HS6ST3: variants seen among roughly 807,000 people sequenced by gnomAD.
HS6ST3 encodes the protein heparan-sulfate 6-O-sulfotransferase 3.
Under a neutral mutation model 36.7 loss-of-function variants are expected in HS6ST3, and 12 were observed. That is an observed-to-expected ratio of 0.33 (90% confidence interval 0.21 to 0.53). The LOEUF (loss-of-function observed/expected upper bound fraction) is 0.53. HS6ST3 is among the 20% of genes least tolerant of loss of function. The probability of loss-of-function intolerance (pLI) is 0.95; values close to 1 mark genes in which losing one functional copy is unlikely to be tolerated. For synonymous variants in HS6ST3, 240 were observed against 257.5 expected (o/e 0.93, Z 0.65); for missense variants, 584 against 640.9 (o/e 0.91, Z 0.96).
intron 1 of HS6ST3, among the ~76,000 whole-genome samples, chr13:96,371,735 T>A (rs1176435839): frequency 6.6e-6 from 1 of 152,220 alleles, no homozygotes; most frequent in Non-Finnish European, 1.5e-5. Flanking sequence ...GTGTCTGACT[T>A]ATTTTTAGCA....
intron 1 of HS6ST3, among the ~76,000 whole-genome samples, chr13:96,144,290 TAA>T (rs2054045790): frequency 6.6e-6 from 1 of 152,220 alleles, no homozygotes; most frequent in East Asian, 1.9e-4. Context: ...TTGATTATAT[TAA>T]GATTACTAAG....
intron 1 of HS6ST3, among the ~76,000 whole-genome samples, chr13:96,471,205 A>G (rs908660053): frequency 1.3e-5 from 2 of 152,232 alleles, no homozygotes; most frequent in African/African-American, 2.4e-5. Context: ...AGGAAGAGAC[A>G]GCTGTAGGAA....
intron 1 of HS6ST3, among the ~76,000 whole-genome samples, chr13:96,284,978 G>T (rs1291652479): frequency 2.1e-5 from 2 of 96,738 alleles, no homozygotes; most frequent in African/African-American, 3.7e-5. Context: ...TTTCTTTCTT[G>T]AAAACTGAGA....
intron 1 of HS6ST3, among the ~76,000 whole-genome samples, chr13:96,248,300 G>A (rs34463956): frequency 0.069 from 10,538 of 152,108 alleles, 479 homozygotes; most frequent in Admixed American, 0.13. Flanking sequence ...TAAAGTGTTT[G>A]CATAGCTTCT....
intron 1 of HS6ST3, among the ~76,000 whole-genome samples, chr13:96,486,793 G>GGGA (rs1207657908): frequency 1.3e-5 from 2 of 152,046 alleles, no homozygotes; most frequent in East Asian, 3.9e-4. Context: ...TCAGTTACAG[G>GGGA]GGAGCCTGAA....
rs951201716 is a variant in HS6ST3 at position 96,714,305 on chromosome 13, C to CA, written c.708-118176dup. On this transcript the variant is annotated intron_variant, in intron 1 of 1. Coordinates refer to ENST00000376705, the MANE Select transcript of HS6ST3 (RefSeq NM_153456.4). ...ACGGATAACTTCTACATATTTATTACAAAAAAAAACACAATTGAAAAATGG... is the reference window on the plus strand; with the variant it reads ...ACGGATAACTTCTACATATTTATTACAAAAAAAAAACACAATTGAAAAATGG... Among the ~76,000 whole-genome samples the CA allele has an allele frequency of 2.8e-4, 41 of 148,490 alleles. 2 individuals are homozygous for CA. The highest frequency in any genetic ancestry group is 1.8e-3 in the East Asian group (9 of 5,074).
chr13:96,415,717 A>C (rs2055529655), intron 1 of HS6ST3, among the ~76,000 whole-genome samples: 2 of 152,214 alleles, frequency 1.3e-5, no homozygotes, highest in Non-Finnish European at 2.9e-5. Flanking sequence ...CATTTATGCC[A>C]CTTCCTTCTG....
chr13:96,821,616 C>T (rs1454365052), intron 1 of HS6ST3, among the ~76,000 whole-genome samples: 2 of 152,218 alleles, frequency 1.3e-5, no homozygotes, highest in African/African-American at 2.4e-5. Context: ...ATCAGTTTTT[C>T]ACTGCACATG....
chr13:96,122,762 G>A (rs1480509605), intron 1 of HS6ST3, among the ~76,000 whole-genome samples: 3 of 152,130 alleles, frequency 2.0e-5, no homozygotes, highest in Non-Finnish European at 4.4e-5. Context: ...TGGGGCTGTG[G>A]TTATGAGGAT....
intron 1 of HS6ST3, among the ~76,000 whole-genome samples, chr13:96,139,174 C>T (rs1025718175): frequency 2.0e-4 from 31 of 151,892 alleles, no homozygotes; most frequent in Non-Finnish European, 4.0e-4. Flanking sequence ...AAAGAAGCAC[C>T]GTTTTTTTTC....
intron 1 of HS6ST3, among the ~76,000 whole-genome samples, chr13:96,633,242 A>G (rs539540030): frequency 6.6e-6 from 1 of 152,296 alleles, no homozygotes; most frequent in African/African-American, 2.4e-5. Flanking sequence ...ATAAAACACA[A>G]TGGGGAAAGC....
At chr13:96,577,355 T>C (rs2056325689) in intron 1 of HS6ST3, among the ~76,000 whole-genome samples, 1 of 152,220 alleles carries the variant, frequency 6.6e-6, no homozygotes, top group Non-Finnish European at 1.5e-5. Flanking sequence ...TCATCCTTTA[T>C]ATGGCTGCAT....
At chr13:96,229,375 T>G (rs2054496694) in intron 1 of HS6ST3, among the ~76,000 whole-genome samples, 1 of 152,186 alleles carries the variant, frequency 6.6e-6, no homozygotes, top group Admixed American at 6.5e-5. Flanking sequence ...TCTGGGTGGC[T>G]TAAAAAACAG....
intron 1 of HS6ST3, among the ~76,000 whole-genome samples, chr13:96,192,119 T>C (rs2054291117): frequency 6.6e-6 from 1 of 152,110 alleles, no homozygotes; most frequent in Admixed American, 6.6e-5. Context: ...CTAATTATGG[T>C]CTTGGGCAAA....
At position 96,832,995 on chromosome 13, in the gene HS6ST3, A is replaced by T; in HGVS notation, c.1213A>T (p.Met405Leu). 6.2e-7 allele frequency: 1 copy of T among 1,614,134 alleles called. No individual in the cohort carries two copies. The highest frequency in any genetic ancestry group is 8.5e-7 in the Non-Finnish European group (1 of 1,180,006). Residue 405 changes from methionine to leucine, a missense_variant, in exon 2 of 2, where the codon ATG (methionine) becomes TTG (leucine). By Grantham distance (15) the Met-to-Leu change is conservative. Transcript: ENST00000376705. ...CATTGAGGATCTAAACTTCCTGGAC[A>T]TGCAGCTTTACGAGTATGCAAAAGA... ...QRIEDLNFLD[M>L]QLYEYAKDLF...
At chr13:96,583,672 G>A (rs963055191) in intron 1 of HS6ST3, among the ~76,000 whole-genome samples, 1 of 151,884 alleles carries the variant, frequency 6.6e-6, no homozygotes, top group Non-Finnish European at 1.5e-5. Context: ...ATTCTAACTG[G>A]TTTGTACCCT....
At chr13:96,180,299 A>G (rs937932087) in intron 1 of HS6ST3, among the ~76,000 whole-genome samples, 3 of 152,204 alleles carry the variant, frequency 2.0e-5, no homozygotes, top group African/African-American at 2.4e-5. Context: ...CTGAGCCTGT[A>G]GCTTGATCCC....
At chr13:96,686,496 A>G (rs1874784536) in intron 1 of HS6ST3, among the ~76,000 whole-genome samples, 1 of 152,018 alleles carries the variant, frequency 6.6e-6, no homozygotes, top group South Asian at 2.1e-4. Flanking sequence ...AGCACATCTG[A>G]GAAGCTTTGA....
intron 1 of HS6ST3, among the ~76,000 whole-genome samples, chr13:96,333,574 G>T (rs980099742): frequency 1.3e-5 from 2 of 152,178 alleles, no homozygotes; most frequent in Non-Finnish European, 2.9e-5. Context: ...CTGCTGACAA[G>T]CTTTTGGAGT....
Sources: gnomAD v4.1 joint callset for allele counts (sites outside exome capture counted in the v4.1 genomes callset) on GRCh38, gnomAD v4.1.1 for gene constraint, MANE v1.5 for transcripts, NCBI Gene and HGNC (gene_info 2026-07-23, HGNC 2026-07-21) for gene names.